The following ZNF704 variants were observed in gnomAD, a reference collection of about 807,000 sequenced individuals.
ZNF704 encodes zinc finger protein 704.
In ZNF704, 10 loss-of-function variants were observed where a neutral mutation model predicts 44.7. The observed-to-expected ratio is 0.22, with a 90% CI of 0.14 to 0.38. ZNF704 has a LOEUF of 0.38. Ranked by LOEUF, ZNF704 falls within the 10% of genes least tolerant of loss-of-function variation. ZNF704 has a pLI of 1.00. For missense variants in ZNF704, 390 were observed against 545.5 expected, an observed-to-expected ratio of 0.71 and a Z score of 2.84; for synonymous variants, 211 against 207.6, an observed-to-expected ratio of 1.02 and a Z score of -0.14.
chr8:80,749,379 TTG>T (rs1237777617), intron 2 of ZNF704, among the ~76,000 whole-genome samples: 5 of 152,294 alleles, frequency 3.3e-5, no homozygotes, highest in African/African-American at 1.2e-4. Flanking sequence ...ATGCTTGCCA[TTG>T]TGTTATGGTC....
intron 2 of ZNF704, among the ~76,000 whole-genome samples, chr8:80,706,137 G>A (rs1416136098): frequency 2.0e-5 from 3 of 148,758 alleles, no homozygotes; most frequent in East Asian, 1.9e-4. Context: ...TCACTCTTAC[G>A]TCTGTGTCCA....
At chr8:80,658,440 A>C (rs1279446322) in intron 7 of ZNF704, among the ~76,000 whole-genome samples, 1 of 152,042 alleles carries the variant, frequency 6.6e-6, no homozygotes, top group Non-Finnish European at 1.5e-5. Flanking sequence ...ACATCAGTGG[A>C]TCAGTGTTCT....
intron 2 of ZNF704, among the ~76,000 whole-genome samples, chr8:80,788,644 T>C (rs1807654341): frequency 6.6e-6 from 1 of 152,184 alleles, no homozygotes. Flanking sequence ...CTTAGGTCTA[T>C]GAGGATGACA....
rs118032515 is a variant in ZNF704, at chr8:80,791,118, G to A, written c.221+30256C>T. On this transcript the variant is annotated intron_variant, in intron 2 of 8. Coordinates refer to ENST00000327835, the MANE Select transcript of ZNF704 (RefSeq NM_001033723.3). ...GCATGAAATCCTTACAGCTTATCAA[G>A]AGTAAGAAAATGAGTGTTCTGACTA... 7.1e-3 allele frequency among the ~76,000 whole-genome samples: 1,075 copies of A among 152,266 alleles called. 13 individuals are homozygous for A. Among genetic ancestry groups the A allele is most frequent in the Non-Finnish European group, 9.5e-3 (649 of 68,028 alleles).
At chr8:80,793,571 T>C (rs1359948158) in intron 2 of ZNF704, among the ~76,000 whole-genome samples, 1 of 152,084 alleles carries the variant, frequency 6.6e-6, no homozygotes, top group East Asian at 1.9e-4. Context: ...AAGCATAATA[T>C]AAAGAAATGG....
chr8:80,710,228 AC>A (rs1345992692), intron 2 of ZNF704, among the ~76,000 whole-genome samples: 1 of 152,150 alleles, frequency 6.6e-6, no homozygotes, highest in Non-Finnish European at 1.5e-5. Flanking sequence ...TTACAGTCCT[AC>A]CAGGTCAAAC....
At chr8:80,762,912 T>C (rs1039471617) in intron 2 of ZNF704, among the ~76,000 whole-genome samples, 10 of 152,222 alleles carry the variant, frequency 6.6e-5, no homozygotes, top group African/African-American at 2.4e-4. Flanking sequence ...ACAGGGGCTA[T>C]AGGCCCCATG....
chr8:80,792,839 T>G (rs997995384), intron 2 of ZNF704, among the ~76,000 whole-genome samples: 1 of 152,188 alleles, frequency 6.6e-6, no homozygotes, highest in African/African-American at 2.4e-5. Context: ...TATCCCTAGT[T>G]GAGCCTTCAG....
At chr8:80,686,782 G>T (rs900920988) in intron 4 of ZNF704, among the ~76,000 whole-genome samples, 7 of 152,116 alleles carry the variant, frequency 4.6e-5, no homozygotes, top group African/African-American at 1.7e-4. Flanking sequence ...ATATTTCACA[G>T]ATGACTGCAT....
chr8:80,797,484 C>T (rs1334416566), intron 2 of ZNF704, among the ~76,000 whole-genome samples: 1 of 151,788 alleles, frequency 6.6e-6, no homozygotes, highest in Non-Finnish European at 1.5e-5. Context: ...TGGGCCTGCA[C>T]AATTAACATC....
At chr8:80,707,539 C>A (rs1399096192) in intron 2 of ZNF704, among the ~76,000 whole-genome samples, 1 of 152,184 alleles carries the variant, frequency 6.6e-6, no homozygotes, top group African/African-American at 2.4e-5. Flanking sequence ...AACCTCTACA[C>A]TGACACCTGT....
At chr8:80,819,830 A>G (rs1231309949) in intron 2 of ZNF704, among the ~76,000 whole-genome samples, 1 of 152,218 alleles carries the variant, frequency 6.6e-6, no homozygotes, top group Admixed American at 6.5e-5. Flanking sequence ...AGAGGCCTAT[A>G]ATTTTAGAAA....
At chr8:80,642,713 T>C (rs1396061694) in intron 8 of ZNF704, among the ~76,000 whole-genome samples, 1 of 152,178 alleles carries the variant, frequency 6.6e-6, no homozygotes, top group Non-Finnish European at 1.5e-5. Context: ...TGATCTGCAT[T>C]AAAAATTGTA....
chr8:80,817,005 CTCA>C, intron 2 of ZNF704, among the ~76,000 whole-genome samples: 1 of 152,210 alleles, frequency 6.6e-6, no homozygotes, highest in East Asian at 1.9e-4. Context: ...ATTCTGTCCT[CTCA>C]TGACTCAATT....
chr8:80,804,631 AACACATGG>A (rs1343303742), intron 2 of ZNF704, among the ~76,000 whole-genome samples: 9 of 152,184 alleles, frequency 5.9e-5, no homozygotes, highest in Non-Finnish European at 1.2e-4. Flanking sequence ...GAAGGATGAG[AACACATGG>A]ACACATGGTG....
chr8:80,709,478 T>C (rs1177565070), intron 2 of ZNF704, among the ~76,000 whole-genome samples: 2 of 104,578 alleles, frequency 1.9e-5, no homozygotes, highest in African/African-American at 3.6e-5. Flanking sequence ...AAAAAAGCAG[T>C]AATGGCATGT....
At position 80,632,201 on chromosome 8, in the gene ZNF704, T is replaced by C. The variant is rs1817598178; in HGVS notation, c.*9165A>G. On this transcript the variant is annotated 3_prime_UTR_variant, in exon 9 of 9. Transcript: ENST00000327835. ...AGGAAATTTCCTTCCTTAATGGTAG[T>C]CTCACCCCAGGTGCAGCAGTGAAAT... 6.6e-6 allele frequency: 1 copy of C among 152,204 alleles called. No individual in the cohort carries two copies. Among genetic ancestry groups the C allele is most frequent in the South Asian group, 2.1e-4 (1 of 4,832 alleles). The allele number at this position is 152,204 out of a possible 1,614,324, so 9.4% of individuals were successfully genotyped here. A position where few individuals can be genotyped will look rare whatever the true frequency, so the allele number is the denominator to read the frequency against.
intron 2 of ZNF704, among the ~76,000 whole-genome samples, chr8:80,780,420 G>C (rs1464987130): frequency 6.6e-6 from 1 of 152,148 alleles, no homozygotes; most frequent in Non-Finnish European, 1.5e-5. Flanking sequence ...GTTGGGGGAA[G>C]AGGAGAACAG....
At chr8:80,788,202 C>T (rs1464406034) in intron 2 of ZNF704, among the ~76,000 whole-genome samples, 1 of 152,150 alleles carries the variant, frequency 6.6e-6, no homozygotes, top group Non-Finnish European at 1.5e-5. Context: ...CAGAATAAAA[C>T]TTCACTCATT....
Sources: allele counts gnomAD v4.1 joint callset (sites outside exome capture counted in the v4.1 genomes callset), GRCh38; gene constraint gnomAD v4.1.1; transcripts MANE v1.5; gene names NCBI Gene and HGNC (gene_info 2026-07-23, HGNC 2026-07-21).